GBP3: variants seen among roughly 807,000 people sequenced by gnomAD.
GBP3 encodes the protein guanylate-binding protein 3.
A neutral mutation model predicts 62.4 loss-of-function variants in GBP3; 55 were observed. The observed-to-expected ratio is 0.88, with a 90% CI of 0.71 to 1.10. GBP3 has a LOEUF of 1.10. Among genes scored for constraint, GBP3 ranks in the 50% least tolerant of loss-of-function variants. GBP3 has a pLI of 0.00. For missense variants in GBP3, 605 were observed against 690.6 expected, an observed-to-expected ratio of 0.88 and a Z score of 1.39; for synonymous variants, 208 against 259.2, an observed-to-expected ratio of 0.80 and a Z score of 1.90.
chr1:89,010,402 G>A lies in GBP3; in HGVS notation c.1362+502C>T, dbSNP rs977531021. On this transcript the variant is annotated intron_variant, in intron 8 of 10. Coordinates refer to ENST00000370481, the MANE Select transcript of GBP3 (RefSeq NM_018284.3). Reference sequence around the variant, plus strand: ...CCCAAAGTGCTGGGATTACAGGCGTGAGCCACTGCGCCCGGCCTAGTTAAC... The same window carrying A: ...CCCAAAGTGCTGGGATTACAGGCGTAAGCCACTGCGCCCGGCCTAGTTAAC... Among the ~76,000 whole-genome samples the A allele has an allele frequency of 1.3e-4, 18 of 138,306 alleles. 1 individual carries two copies. The highest frequency in any genetic ancestry group is 4.5e-4 in the African/African-American group (18 of 40,438). 90.7% of individuals were successfully genotyped at this position (138,306 alleles called of 152,430 possible). A position where few individuals can be genotyped will look rare whatever the true frequency, so the allele number is the denominator to read the frequency against.
rs967321782 is a variant in GBP3 at position 89,008,453 on chromosome 1, T to G, written c.1659+494A>C. Reference sequence around the variant, plus strand: ...TAGACTGCCCTACAGGTGTGAGGGTTAGGGAGTCCTTCTGCTCATAAAAGT... The same window carrying G: ...TAGACTGCCCTACAGGTGTGAGGGTGAGGGAGTCCTTCTGCTCATAAAAGT... On this transcript the variant is annotated intron_variant, in intron 10 of 10. Coordinates refer to ENST00000370481, the MANE Select transcript of GBP3 (RefSeq NM_018284.3). Among the ~76,000 whole-genome samples, 8 of 148,422 alleles carry G rather than the reference T, an allele frequency of 5.4e-5. No homozygotes were observed. The South Asian group carries it at 6.5e-4, about 12-fold the overall frequency.
chr1:89,021,510 G>GCGCGCGCACACACA (rs751639388), intron 1 of GBP3, among the ~76,000 whole-genome samples: 104 of 131,730 alleles, frequency 7.9e-4, no homozygotes, highest in African/African-American at 2.2e-3. Context: ...GCGCGCGCGC[G>GCGCGCGCACACACA]CACACACACA....
At position 89,011,834 on chromosome 1, in the gene GBP3, C is replaced by G. The variant is rs755372090; in HGVS notation, c.1062G>C (p.Leu354=). The change falls in exon 7 of 11, where the codon CTG becomes CTC. Residue 354 remains leucine, a synonymous_variant. Coordinates refer to ENST00000370481, the MANE Select transcript of GBP3 (RefSeq NM_018284.3). ...TGGCCTCCCTCTCACTAACCCTGTGCAGGTCCAGCAGCTCCTGGAGGGTTT... is the reference window on the plus strand; with the variant it reads ...TGGCCTCCCTCTCACTAACCCTGTGGAGGTCCAGCAGCTCCTGGAGGGTTT... ...PAETLQELLD[L]HRVSEREATE... is the part of the protein sequence containing the mutation. 7 of 1,462,060 alleles carry G rather than the reference C, an allele frequency of 4.8e-6. 1 individual carries two copies. The highest frequency in any genetic ancestry group is 6.6e-6 in the Non-Finnish European group (7 of 1,055,238). 90.6% of individuals were successfully genotyped at this position (1,462,060 alleles called of 1,614,324 possible). A position where few individuals can be genotyped will look rare whatever the true frequency, so the allele number is the denominator to read the frequency against.
chr1:89,013,279 A>G lies in GBP3; in HGVS notation c.774T>C (p.Pro258=), dbSNP rs769900550. 4 of 1,614,216 alleles carry G rather than the reference A, an allele frequency of 2.5e-6. No homozygotes were observed. The South Asian group carries it at 3.3e-5, about 13-fold the overall frequency. ...AGTCTGCTACTTGTTGCACAAATTC[A>G]GGGTCCAGCTCTTCATCTTGTAGTT... ...LEKLQDEELD[P]EFVQQVADFC... is the part of the protein sequence containing the mutation. The change falls in exon 6 of 11, where the codon CCT becomes CCC. Residue 258 remains proline, a synonymous_variant. Coordinates refer to ENST00000370481, the MANE Select transcript of GBP3 (RefSeq NM_018284.3).
At chr1:89,013,145 A>C (rs976794161) in intron 6 of GBP3, 40 bp downstream of exon 6, 2 of 1,594,264 alleles carry the variant, frequency 1.3e-6, no homozygotes, top group African/African-American at 2.7e-5. Flanking sequence ...GCCATCCTTT[A>C]GTTTTAACAA....
At chr1:89,021,841 G>GCAAGGGAGATGTCAGA (rs146553888) in intron 1 of GBP3, among the ~76,000 whole-genome samples, 31,150 of 140,276 alleles carry the variant, frequency 0.22, 4,370 homozygotes, top group Non-Finnish European at 0.31. Context: ...GAAAGTGCCA[G>GCAAGGGAGATGTCAGA]CAAGGGAGAT....
intron 2 of GBP3, chr1:89,020,191 A>G: frequency 4.7e-6 from 2 of 424,906 alleles, no homozygotes; most frequent in South Asian, 3.6e-5. Context: ...GTGAGCTGAG[A>G]TCTTGCCACT....
At chr1:89,021,923 T>C (rs1679258318) in intron 1 of GBP3, among the ~76,000 whole-genome samples, 1 of 151,510 alleles carries the variant, frequency 6.6e-6, no homozygotes, top group Admixed American at 6.6e-5. Flanking sequence ...GAAGGTGGGA[T>C]CTAAGTCGTC....
rs372390993 is a variant in GBP3 at position 89,014,532 on chromosome 1, G to A, written c.428+15C>T. The A allele has an allele frequency of 2.3e-5, 37 of 1,613,860 alleles. 1 individual carries two copies. The African/African-American group carries it at 3.5e-4, about 15-fold the overall frequency. ...CCCTCTGACCTTGGTGCTGTTCTGG[G>A]TCACAAAAGGATACTACAGTTGGTC... On this transcript the variant is annotated intron_variant, in intron 4 of 10. Coordinates refer to ENST00000370481, the MANE Select transcript of GBP3 (RefSeq NM_018284.3).
At chr1:89,013,100 A>G in intron 6 of GBP3, 85 bp downstream of exon 6, 1 of 1,454,966 alleles carries the variant, frequency 6.9e-7, no homozygotes, top group Non-Finnish European at 9.4e-7. Flanking sequence ...GGCCTCCCAA[A>G]GTGCTGGGAT....
chr1:89,020,576 G>A lies in GBP3; in HGVS notation c.146C>T (p.Thr49Ile). 2 of 1,614,156 alleles carry A rather than the reference G, an allele frequency of 1.2e-6. No homozygotes were observed. Among genetic ancestry groups the A allele is most frequent in the African/African-American group, 1.3e-5 (1 of 75,036 alleles). The change falls in exon 2 of 11, where the codon ACA (threonine) becomes ATA (isoleucine). Residue 49 changes from threonine (T) to isoleucine (I), a missense_variant. Thr to Ile is a moderately conservative substitution (Grantham distance 89). This residue lies in a region of GBP3 where 308 missense variants were observed against 318.0 expected (regional missense o/e 0.97). Transcript: ENST00000370481. ...CTTGTTCATCAGGTAGGATTTTCCT[G>A]TGCGGTAGAGGCCCACAATTGCCAC... Reference protein sequence around the residue: ...VVVAIVGLYRTGKSYLMNKLA... With the variant: ...VVVAIVGLYRIGKSYLMNKLA...
chr1:89,022,037 G>A (rs1679267341), intron 1 of GBP3, among the ~76,000 whole-genome samples: 1 of 131,672 alleles, frequency 7.6e-6, no homozygotes, highest in South Asian at 2.6e-4. Flanking sequence ...CTAGGCCACC[G>A]CCCTCTCTCT....
intron 10 of GBP3, 178 bp downstream of exon 10, chr1:89,008,769 T>TAGTGACCAC (rs1390693032): frequency 8.2e-7 from 1 of 1,216,440 alleles, no homozygotes; most frequent in Non-Finnish European, 1.1e-6. Flanking sequence ...AATAAACTTT[T>TAGTGACCAC]AGTGACCACA....
At chr1:89,021,279 C>A (rs1005907552) in intron 1 of GBP3, among the ~76,000 whole-genome samples, 8 of 152,106 alleles carry the variant, frequency 5.3e-5, no homozygotes, top group Non-Finnish European at 8.8e-5. Flanking sequence ...CAGTGCCATT[C>A]TGGAAGTGGA....
chr1:89,008,926 C>T (rs1678388910), intron 10 of GBP3, 21 bp downstream of exon 10: 4 of 1,613,818 alleles, frequency 2.5e-6, no homozygotes, highest in Non-Finnish European at 3.4e-6. Flanking sequence ...AAACGAACCA[C>T]AAGGTGATGC....
Position 89,014,663 on chromosome 1 carries a change from G to T in GBP3, c.319-7C>A. ...AGTCATTCTGGTTGTCACCCTGGAA[G>T]TCAAGACACACTGGAGTCAGGAGCA... On this transcript the variant is annotated splice_region_variant and splice_polypyrimidine_tract_variant and intron_variant, in intron 3 of 10. Coordinates refer to ENST00000370481, the MANE Select transcript of GBP3 (RefSeq NM_018284.3). 1.2e-6 allele frequency: 2 copies of T among 1,614,046 alleles called. No individual in the cohort carries two copies. The highest frequency in any genetic ancestry group is 1.7e-6 in the Non-Finnish European group (2 of 1,179,930).
chr1:89,014,027 A>T (rs1375794825), intron 5 of GBP3, 56 bp downstream of exon 5: 1 of 1,558,060 alleles, frequency 6.4e-7, no homozygotes, highest in Non-Finnish European at 8.8e-7. Flanking sequence ...TAAACTAAAA[A>T]ATGATAATTT....
At chr1:89,021,548 C>CT (rs1262287067) in intron 1 of GBP3, among the ~76,000 whole-genome samples, 3 of 95,740 alleles carry the variant, frequency 3.1e-5, no homozygotes, top group Non-Finnish European at 5.0e-5. Context: ...ACACACACCC[C>CT]AAAAAAACCA....
At chr1:89,017,500 A>G (rs1400411734) in intron 2 of GBP3, among the ~76,000 whole-genome samples, 1 of 152,226 alleles carries the variant, frequency 6.6e-6, no homozygotes, top group African/African-American at 2.4e-5. Flanking sequence ...ACTTTTGTGC[A>G]TCAAATGACA....
Sources: gnomAD v4.1 joint callset for allele counts (sites outside exome capture counted in the v4.1 genomes callset) on GRCh38, gnomAD v4.1.1 for gene constraint, gnomAD v4.1.1 regional missense constraint, MANE v1.5 for transcripts, NCBI Gene and HGNC (gene_info 2026-07-23, HGNC 2026-07-21) for gene names.